The following ZFHX3 variants were observed in gnomAD, a reference collection of about 807,000 sequenced individuals.
The protein encoded by ZFHX3 is zinc finger homeobox protein 3.
In ZFHX3, 42 loss-of-function variants were observed where a neutral mutation model predicts 279.1. The ratio of observed to expected loss-of-function variants is 0.15; its 90% CI spans 0.12 to 0.19. ZFHX3 has a LOEUF of 0.19. Ranked by LOEUF, ZFHX3 falls within the 10% of genes least tolerant of loss-of-function variation. The probability of loss-of-function intolerance (pLI) is 1.00; values close to 1 mark genes in which losing one functional copy is unlikely to be tolerated. For missense variants in ZFHX3, 4,981 were observed against 4,754.0 expected, an observed-to-expected ratio of 1.05 and a Z score of -1.40; for synonymous variants, 2,293 against 1,957.8, an observed-to-expected ratio of 1.17 and a Z score of -4.52.
At chr16:72,944,575 T>G (rs1960570417) in intron 3 of ZFHX3, among the ~76,000 whole-genome samples, 1 of 112,176 alleles carries the variant, frequency 8.9e-6, no homozygotes, top group Non-Finnish European at 1.7e-5. Flanking sequence ...AATTCCTATG[T>G]TACATGCAAA....
At chr16:73,783,117 G>C (rs1219020248) in intron 1 of ZFHX3, among the ~76,000 whole-genome samples, 1 of 152,176 alleles carries the variant, frequency 6.6e-6, no homozygotes, top group Non-Finnish European at 1.5e-5. Context: ...TTATTCTCCA[G>C]CTGCCCGGAG....
intron 2 of ZFHX3, among the ~76,000 whole-genome samples, chr16:73,456,595 G>A (rs1280555008): frequency 6.6e-6 from 1 of 152,202 alleles, no homozygotes; most frequent in Non-Finnish European, 1.5e-5. Context: ...AGCCAGCTTT[G>A]ACAGAAAGAA....
intron 3 of ZFHX3, among the ~76,000 whole-genome samples, chr16:73,404,704 C>A (rs559239489): frequency 6.6e-6 from 1 of 152,268 alleles, no homozygotes; most frequent in South Asian, 2.1e-4. Flanking sequence ...CCCCGTTTTA[C>A]GCATAAGGAC....
intron 2 of ZFHX3, among the ~76,000 whole-genome samples, chr16:73,474,001 C>T (rs1413664683): frequency 2.0e-5 from 3 of 152,046 alleles, no homozygotes; most frequent in Admixed American, 2.0e-4. Flanking sequence ...ACACAAGGAA[C>T]CTGAGATAGG....
chr16:73,311,698 G>A (rs1289685487), intron 4 of ZFHX3, among the ~76,000 whole-genome samples: 1 of 150,948 alleles, frequency 6.6e-6, no homozygotes, highest in Non-Finnish European at 1.5e-5. Flanking sequence ...CTATATTTCT[G>A]AAATACGATA....
At chr16:73,357,875 C>T (rs767620021) in intron 3 of ZFHX3, among the ~76,000 whole-genome samples, 20 of 152,224 alleles carry the variant, frequency 1.3e-4, no homozygotes, top group African/African-American at 4.6e-4. Context: ...TGCCCACCCA[C>T]TGCTGTCTAA....
intron 3 of ZFHX3, among the ~76,000 whole-genome samples, chr16:72,890,882 T>C (rs1260868006): frequency 6.6e-6 from 1 of 152,224 alleles, no homozygotes; most frequent in Admixed American, 6.5e-5. Context: ...ACAGAGATGG[T>C]ATAGTCCACA....
At chr16:73,068,259 C>T (rs936002637) in intron 8 of ZFHX3, among the ~76,000 whole-genome samples, 27 of 152,320 alleles carry the variant, frequency 1.8e-4, no homozygotes, top group African/African-American at 6.5e-4. Context: ...ATTTCTATTA[C>T]ACCAGTTGCC....
intron 4 of ZFHX3, among the ~76,000 whole-genome samples, chr16:73,293,399 A>C (rs2014824034): frequency 6.6e-6 from 1 of 152,182 alleles, no homozygotes; most frequent in African/African-American, 2.4e-5. Context: ...TTCCATTGAA[A>C]TTTCTAGGAA....
chr16:73,040,268 C>T (rs912602746), intron 1 of ZFHX3, among the ~76,000 whole-genome samples: 1 of 152,042 alleles, frequency 6.6e-6, no homozygotes, highest in Non-Finnish European at 1.5e-5. Flanking sequence ...GGGGACAGGG[C>T]AAGGGACAGG....
chr16:72,958,164 A>G lies in ZFHX3; in HGVS notation c.1982T>C (p.Met661Thr), dbSNP rs1464416233. The change falls in exon 2 of 10, where the codon ATG (methionine) becomes ACG (threonine). Residue 661 changes from methionine (M) to threonine (T), a missense_variant. Around this residue, in one of 7 missense-constraint regions of ZFHX3, gnomAD observed 1,068 missense variants for 935.2 expected, o/e 1.14. Transcript: ENST00000268489. ...CTTACACGAGTTACGAGAATGCATCATGGTCATGTGGCCGCCCAGCGAGCG... is the reference window on the plus strand; with the variant it reads ...CTTACACGAGTTACGAGAATGCATCGTGGTCATGTGGCCGCCCAGCGAGCG... ...SSRSLGGHMT[M>T]MHSRNSCKTL... 6.2e-7 allele frequency: 1 copy of G among 1,613,842 alleles called. No individual in the cohort carries two copies. The highest frequency in any genetic ancestry group is 1.3e-5 in the African/African-American group (1 of 75,034).
rs559186684 is a variant in ZFHX3, at chr16:72,869,640, A to C, written c.3448+20091T>G. Among the ~76,000 whole-genome samples the C allele has an allele frequency of 7.8e-4, 118 of 152,244 alleles. 1 individual carries two copies. In the South Asian group the frequency reaches 0.024, roughly 31 times the overall value. The stretch of plus-strand genomic sequence containing the variant: ...GCTGAATTTCCTGATCATCTAGAAA[A>C]CCGGGAAGGGGAGTATAGGCTAAAA... On this transcript the variant is annotated intron_variant, in intron 4 of 9. Coordinates refer to ENST00000268489, the MANE Select transcript of ZFHX3 (RefSeq NM_006885.4).
chr16:73,104,890 C>G (rs777872468), intron 7 of ZFHX3, among the ~76,000 whole-genome samples: 1 of 152,092 alleles, frequency 6.6e-6, no homozygotes, highest in African/African-American at 2.4e-5. Context: ...GCTGAATGAT[C>G]AAACCCAAGT....
At chr16:73,226,529 T>C (rs1567423396) in intron 5 of ZFHX3, among the ~76,000 whole-genome samples, 1 of 152,240 alleles carries the variant, frequency 6.6e-6, no homozygotes, top group Non-Finnish European at 1.5e-5. Flanking sequence ...GCCTGAAATA[T>C]TAGGCATATG....
Position 72,788,801 on chromosome 16 carries a change from C to T in ZFHX3, c.9475G>A (p.Val3159Ile). 1.3e-6 allele frequency: 2 copies of T among 1,543,304 alleles called. No homozygotes were observed. Among genetic ancestry groups the T allele is most frequent in the Non-Finnish European group, 1.7e-6 (2 of 1,148,178 alleles). Reference protein sequence around the residue: ...PNLMGLPSTTVPSPGLPTSGL... With the variant: ...PNLMGLPSTTIPSPGLPTSGL... ...GAAGTGGGGAGGCCAGGGGAAGGAA[C>T]AGTTGTGCTGGGCAGACCCATCAAG... The change falls in exon 10 of 10, where the codon GTT (valine) becomes ATT (isoleucine). Residue 3159 changes from valine (V) to isoleucine (I), a missense_variant. Physicochemically the swap from Val to Ile is conservative, Grantham distance 29 (BLOSUM62 3). Around this residue, in one of 7 missense-constraint regions of ZFHX3, gnomAD observed 1,034 missense variants for 786.0 expected, o/e 1.32. Coordinates refer to ENST00000268489, the MANE Select transcript of ZFHX3 (RefSeq NM_006885.4).
chr16:73,390,865 A>AC (rs972193832), intron 3 of ZFHX3, among the ~76,000 whole-genome samples: 33 of 151,168 alleles, frequency 2.2e-4, no homozygotes, highest in Non-Finnish European at 4.7e-4. Context: ...TCATTAAACA[A>AC]CCCCCCCAAA....
intron 3 of ZFHX3, among the ~76,000 whole-genome samples, chr16:72,898,870 C>T (rs947336736): frequency 6.6e-6 from 1 of 151,992 alleles, no homozygotes; most frequent in Non-Finnish European, 1.5e-5. Context: ...GAGGAAGGGG[C>T]CTACCAGATC....
intron 1 of ZFHX3, among the ~76,000 whole-genome samples, chr16:73,883,085 T>C (rs1443821385): frequency 6.6e-6 from 1 of 152,132 alleles, no homozygotes; most frequent in Non-Finnish European, 1.5e-5. Context: ...TTCTATTAGC[T>C]TAAGGCTGGG....
At chr16:73,736,915 T>C (rs2053614528) in intron 1 of ZFHX3, among the ~76,000 whole-genome samples, 1 of 152,242 alleles carries the variant, frequency 6.6e-6, no homozygotes, top group Admixed American at 6.5e-5. Flanking sequence ...TTATTCATGG[T>C]CAATGCTGTC....
Sources: gnomAD v4.1 joint callset for allele counts (sites outside exome capture counted in the v4.1 genomes callset) on GRCh38, gnomAD v4.1.1 for gene constraint, gnomAD v4.1.1 regional missense constraint, MANE v1.5 for transcripts, NCBI Gene and HGNC (gene_info 2026-07-23, HGNC 2026-07-21) for gene names.